The following NUP88 variants were observed in gnomAD, a reference collection of about 807,000 sequenced individuals.
NUP88 encodes nucleoporin 88.
Under a neutral mutation model 93.9 loss-of-function variants are expected in NUP88, and 57 were observed. The observed-to-expected ratio is 0.61, with a 90% CI of 0.49 to 0.76. The LOEUF (loss-of-function observed/expected upper bound fraction) is 0.76. NUP88 is among the 30% of genes least tolerant of loss of function. The pLI is 0.00. For synonymous variants in NUP88, 346 were observed against 336.8 expected (o/e 1.03, Z -0.30); for missense variants, 911 against 901.0 (o/e 1.01, Z -0.14).
intron 10 of NUP88, among the ~76,000 whole-genome samples, chr17:5,389,572 G>A (rs1397030550): frequency 6.6e-6 from 1 of 151,980 alleles, no homozygotes; most frequent in Non-Finnish European, 1.5e-5. Flanking sequence ...GAGGTCAGGC[G>A]TTCAAGACAA....
intron 8 of NUP88, 125 bp from the exon 9 acceptor site, chr17:5,395,106 C>T: frequency 1.5e-6 from 1 of 656,132 alleles, no homozygotes; most frequent in Non-Finnish European, 2.7e-6. Flanking sequence ...AAGTACTATG[C>T]TTTTCTGACA....
At chr17:5,389,107 G>T in intron 10 of NUP88, 147 bp from the exon 11 acceptor site, 1 of 597,632 alleles carries the variant, frequency 1.7e-6, no homozygotes, top group Non-Finnish European at 2.7e-6. Context: ...TTTCCACCTT[G>T]AAAAGGTCAC....
At chr17:5,403,390 T>C (rs1254698080) in intron 7 of NUP88, among the ~76,000 whole-genome samples, 1 of 152,092 alleles carries the variant, frequency 6.6e-6, no homozygotes, top group African/African-American at 2.4e-5. Flanking sequence ...GGCAGAAGAA[T>C]TGCTTGAACC....
Position 5,414,956 on chromosome 17 carries a change from G to A in NUP88, c.468-822C>T, listed in dbSNP as rs1914052421. On this transcript the variant is annotated intron_variant, in intron 2 of 16. Transcript: ENST00000573584. ...CACTCCAGCTTGGGCTACAGAGCCA[G>A]ACTCTGTCTCAAAATAAATAAATAA... Among the ~76,000 whole-genome samples the A allele has an allele frequency of 1.3e-5, 2 of 151,394 alleles. 1 individual carries two copies. Among genetic ancestry groups the A allele is most frequent in the South Asian group, 4.2e-4 (2 of 4,790 alleles).
chr17:5,409,859 T>A (rs1388516569), intron 4 of NUP88, among the ~76,000 whole-genome samples: 1 of 152,170 alleles, frequency 6.6e-6, no homozygotes, highest in Admixed American at 6.5e-5. Context: ...AGCAAGTCTG[T>A]GGTTAACTAG....
Position 5,405,073 on chromosome 17 carries a change from T to C in NUP88, c.1028A>G (p.Glu343Gly), listed in dbSNP as rs1446893324. The change falls in exon 6 of 17, where the codon GAA becomes GGA. Residue 343 changes from glutamate (E) to glycine (G), a missense_variant. Glu to Gly is a moderately conservative substitution (Grantham distance 98). Transcript: ENST00000573584. ...TGCACTTACCGTGTGGTCATCTTCT[T>C]CTTCCCCTTCTAGCACGACACAGTG... ...LYHCVVLEGE[E>G]EDDHTSEKSW... 1 of 1,613,952 alleles carries C rather than the reference T, an allele frequency of 6.2e-7. No homozygotes were observed. The highest frequency in any genetic ancestry group is 8.5e-7 in the Non-Finnish European group (1 of 1,179,904).
intron 6 of NUP88, 90 bp from the exon 7 acceptor site, chr17:5,404,336 G>A (rs772752635): frequency 3.6e-5 from 50 of 1,377,796 alleles, no homozygotes; most frequent in Non-Finnish European, 5.0e-5. Flanking sequence ...GTCAGGGCCG[G>A]GTGCGGCTGT....
In NUP88 at chr17:5,405,006, G is replaced by A. The variant is rs376483086; in HGVS notation, c.1044+51C>T. The stretch of plus-strand genomic sequence containing the variant: ...ATATTAAGCATTCATATTGGGTCAG[G>A]AACTATGCCAGGTGTTGAAGATACA... On this transcript the variant is annotated intron_variant, in intron 6 of 16. Coordinates refer to ENST00000573584, the MANE Select transcript of NUP88 (RefSeq NM_002532.6). 1.1e-5 allele frequency: 17 copies of A among 1,496,018 alleles called. No homozygotes were observed. In the African/African-American group the frequency reaches 1.8e-4, roughly 16 times the overall value. The allele number at this position is 1,496,018 out of a possible 1,614,324, so 92.7% of individuals were successfully genotyped here. A position where few individuals can be genotyped will look rare whatever the true frequency, so the allele number is the denominator to read the frequency against.
At chr17:5,396,619 AC>A (rs1912793453) in intron 8 of NUP88, among the ~76,000 whole-genome samples, 1 of 152,210 alleles carries the variant, frequency 6.6e-6, no homozygotes, top group Admixed American at 6.5e-5. Flanking sequence ...TTGTGTGGAT[AC>A]AGGTCTTCAT....
At position 5,405,063 on chromosome 17, in the gene NUP88, GTCA is replaced by G. The variant is rs752381624; in HGVS notation, c.1035_1037del (p.Asp346del). On this transcript the variant is annotated inframe_deletion, in exon 6 of 17. Coordinates refer to ENST00000573584, the MANE Select transcript of NUP88 (RefSeq NM_002532.6). ...CACAGCAGCCTGCACTTACCGTGTGGTCATCTTCTTCTTCCCCTTCTAGCACGA... is the reference window on the plus strand; with the variant it reads ...CACAGCAGCCTGCACTTACCGTGTGGTCTTCTTCTTCCCCTTCTAGCACGA... The G allele has an allele frequency of 6.2e-6, 10 of 1,613,548 alleles. No homozygotes were observed. The highest frequency in any genetic ancestry group is 2.7e-5 in the African/African-American group (2 of 74,908).
rs752322689 is a variant in NUP88, at chr17:5,387,747, G to A, written c.1769+32C>T. 5.6e-6 allele frequency: 9 copies of A among 1,608,804 alleles called. No individual in the cohort carries two copies. The Admixed American group carries it at 1.4e-4, about 24-fold the overall frequency. ...CATACAGCATCAGCTACCAGCCAGG[G>A]ATCGATGGTTTGTGAACACAGGACA... On this transcript the variant is annotated intron_variant, in intron 12 of 16. Coordinates refer to ENST00000573584, the MANE Select transcript of NUP88 (RefSeq NM_002532.6).
intron 9 of NUP88, among the ~76,000 whole-genome samples, chr17:5,391,866 T>G (rs2144767028): frequency 6.6e-6 from 1 of 152,324 alleles, no homozygotes. Context: ...ACTAAGTCAC[T>G]CAGGAATCCC....
chr17:5,402,304 T>C (rs1913220719), intron 7 of NUP88, among the ~76,000 whole-genome samples: 1 of 120,016 alleles, frequency 8.3e-6, no homozygotes, highest in African/African-American at 3.0e-5. Context: ...CAAAACTCCA[T>C]CTCAAAAAAA....
chr17:5,405,231 A>C lies in NUP88; in HGVS notation c.870T>G (p.Ile290Met), dbSNP rs747901003. The part of the protein sequence containing the change: ...YISLLHSPGN[I>M]GKLLGPLPMH... ...TGGGCAATGGACCCAACAGCTTTCCAATATTTCCAGGGCTAAAGAAGGAGT... is the reference window on the plus strand; with the variant it reads ...TGGGCAATGGACCCAACAGCTTTCCCATATTTCCAGGGCTAAAGAAGGAGT... The change falls in exon 6 of 17, where the codon ATT (isoleucine) becomes ATG (methionine). Residue 290 changes from isoleucine (I) to methionine (M), a missense_variant. Physicochemically the swap from Ile to Met is conservative, Grantham distance 10. Transcript: ENST00000573584. 6.2e-7 allele frequency: 1 copy of C among 1,613,412 alleles called. No individual in the cohort carries two copies. Among genetic ancestry groups the C allele is most frequent in the East Asian group, 2.2e-5 (1 of 44,860 alleles).
At chr17:5,400,840 T>C (rs755817848) in intron 7 of NUP88, among the ~76,000 whole-genome samples, 2 of 152,222 alleles carry the variant, frequency 1.3e-5, no homozygotes, top group Non-Finnish European at 2.9e-5. Context: ...TAATGTTGAC[T>C]TACAGATAGT....
chr17:5,419,451 T>C lies in NUP88; in HGVS notation c.200A>G (p.Glu67Gly). The part of the protein sequence containing the change: ...TRNVVFGLGG[E>G]LFLWDGEDSS... Reference sequence around the variant, plus strand: ...GTCTTCTCCGTCCCACAGGAAAAGCTCTCCGCCGAGGCCAAAGACCACGTT... The same window carrying C: ...GTCTTCTCCGTCCCACAGGAAAAGCCCTCCGCCGAGGCCAAAGACCACGTT... Residue 67 changes from glutamate (E) to glycine (G), a missense_variant, in exon 1 of 17, where the codon GAG becomes GGG. Transcript: ENST00000573584. The C allele has an allele frequency of 6.2e-7, 1 of 1,613,662 alleles. No homozygotes were observed. Among genetic ancestry groups the C allele is most frequent in the Non-Finnish European group, 8.5e-7 (1 of 1,179,882 alleles).
chr17:5,391,567 G>A lies in NUP88; in HGVS notation c.1478C>T (p.Pro493Leu), dbSNP rs140329092. 5.2e-5 allele frequency: 84 copies of A among 1,610,728 alleles called. No individual in the cohort carries two copies. Among genetic ancestry groups the A allele is most frequent in the Non-Finnish European group, 6.2e-5 (73 of 1,177,108 alleles). ...AATATAAAATGGGACGTACAATAACGGCCATATGAGGCATTCATAGGTACT... is the reference window on the plus strand; with the variant it reads ...AATATAAAATGGGACGTACAATAACAGCCATATGAGGCATTCATAGGTACT... ...ITSTYECLIW[P>L]LLSTVHPASP... The change falls in exon 10 of 17, where the codon CCG (proline) becomes CTG (leucine). Residue 493 changes from proline to leucine, a missense_variant. Coordinates refer to ENST00000573584, the MANE Select transcript of NUP88 (RefSeq NM_002532.6).
chr17:5,391,486 TA>T, intron 10 of NUP88, 74 bp downstream of exon 10: 2 of 1,192,378 alleles, frequency 1.7e-6, no homozygotes. Context: ...TCAAGTTGGT[TA>T]CTGAGTGCAT....
At chr17:5,406,457 T>G (rs1181289736) in intron 5 of NUP88, among the ~76,000 whole-genome samples, 1 of 152,218 alleles carries the variant, frequency 6.6e-6, no homozygotes, top group African/African-American at 2.4e-5. Context: ...CTATTTGAAA[T>G]CTATCTGCCG....
Sources: gnomAD v4.1 joint callset for allele counts (sites outside exome capture counted in the v4.1 genomes callset) on GRCh38, gnomAD v4.1.1 for gene constraint, MANE v1.5 for transcripts, NCBI Gene and HGNC (gene_info 2026-07-23, HGNC 2026-07-21) for gene names.